DPP6: variants seen among roughly 807,000 people sequenced by gnomAD.
The protein encoded by DPP6 is dipeptidyl peptidase like 6, also known as A-type potassium channel modulatory protein DPP6.
A neutral mutation model predicts 122.6 loss-of-function variants in DPP6; 69 were observed. The ratio of observed to expected loss-of-function variants is 0.56; its 90% CI spans 0.46 to 0.69. The LOEUF is 0.69. Among genes scored for constraint, DPP6 ranks in the 30% least tolerant of loss-of-function variants. DPP6 has a pLI of 0.00. For synonymous variants in DPP6, 418 were observed against 433.1 expected (o/e 0.97, Z 0.43); for missense variants, 928 against 1,116.9 (o/e 0.83, Z 2.41).
the DPP6 span, among the ~76,000 whole-genome samples, chr7:153,827,096 AAG>A: frequency 1.3e-5 from 2 of 149,838 alleles, no homozygotes; most frequent in Admixed American, 6.6e-5. Context: ...ATAAATAAAA[AAG>A]TTAAGTCATT....
In DPP6 at chr7:154,880,909, C is replaced by T; in HGVS notation, c.2100C>T (p.Tyr700=). Residue 700 remains tyrosine (Y), a synonymous_variant, in exon 21 of 26, where the codon TAC becomes TAT. Coordinates refer to ENST00000377770, the MANE Select transcript of DPP6 (RefSeq NM_130797.4). The stretch of plus-strand genomic sequence containing the variant: ...ACAGGACGATGCTGAAGGAGCAGTA[C>T]ATTGACAGGACGCGCGTGGCCGTGT... The part of the protein sequence containing the change: ...EAVRTMLKEQ[Y]IDRTRVAVFG... 2.5e-6 allele frequency: 4 copies of T among 1,613,984 alleles called. No homozygotes were observed. The highest frequency in any genetic ancestry group is 2.2e-5 in the East Asian group (1 of 44,868).
chr7:154,151,377 ATC>A, intron 1 of DPP6, among the ~76,000 whole-genome samples: 1 of 152,102 alleles, frequency 6.6e-6, no homozygotes. Flanking sequence ...CTCAGCACTG[ATC>A]TGATTTTGTC....
intron 16 of DPP6, among the ~76,000 whole-genome samples, chr7:154,842,139 C>T (rs1044758162): frequency 1.3e-5 from 2 of 152,198 alleles, no homozygotes; most frequent in Admixed American, 6.5e-5. Flanking sequence ...CTGTTCGCAG[C>T]GGGCCATGCC....
intron 5 of DPP6, among the ~76,000 whole-genome samples, chr7:154,630,552 G>A (rs575467058): frequency 6.6e-6 from 1 of 152,330 alleles, no homozygotes; most frequent in African/African-American, 2.4e-5. Context: ...CTAATGCCCA[G>A]TGATGATGAG....
At chr7:154,014,297 TTATACTAGCATAAGGCCAA>T (rs1798294898) in intron 1 of DPP6, among the ~76,000 whole-genome samples, 1 of 142,960 alleles carries the variant, frequency 7.0e-6, no homozygotes, top group African/African-American at 2.7e-5. Flanking sequence ...ACTTTCAAAT[TTATACTAGCATAAGGCCAA>T]CCTTATCTGT....
intron 1 of DPP6, among the ~76,000 whole-genome samples, chr7:154,348,646 C>T (rs1187418024): frequency 6.6e-6 from 1 of 152,128 alleles, no homozygotes; most frequent in African/African-American, 2.4e-5. Context: ...CTGTTCATTT[C>T]ATTATCGTCA....
intron 1 of DPP6, among the ~76,000 whole-genome samples, chr7:154,060,698 G>A (rs1279881158): frequency 7.7e-6 from 1 of 130,398 alleles, no homozygotes. Flanking sequence ...GCCCCTGGCT[G>A]TTAGTACCCC....
At chr7:153,786,596 G>A in the DPP6 span, among the ~76,000 whole-genome samples, 3 of 151,650 alleles carry the variant, frequency 2.0e-5, no homozygotes, top group Non-Finnish European at 2.9e-5. Flanking sequence ...AAAATTAGCC[G>A]GGCGTGGTGG....
chr7:153,953,783 CACAA>C (rs1277366028), intron 1 of DPP6, among the ~76,000 whole-genome samples: 1 of 151,884 alleles, frequency 6.6e-6, no homozygotes, highest in Non-Finnish European at 1.5e-5. Context: ...CACACATACA[CACAA>C]AGAAACAGGA....
At chr7:153,884,987 A>AATATATATATATATATATATAT (rs56329841), upstream of DPP6, among the ~76,000 whole-genome samples, 3 of 116,458 alleles carry the variant, frequency 2.6e-5, no homozygotes, top group African/African-American at 3.5e-5. Flanking sequence ...TCAAAACAAA[A>AATATATATATATATATATATAT]ATATATATAT....
In DPP6 at chr7:154,764,026, C is replaced by A. The variant is rs75834604; in HGVS notation, c.884-5391C>A. ...CACCTCCATCTGCACCACACCTGAG[C>A]TCTGTGGGCGCTCTTCACCTCTATG... On this transcript the variant is annotated intron_variant, in intron 8 of 25. Coordinates refer to ENST00000377770, the MANE Select transcript of DPP6 (RefSeq NM_130797.4). 3.1e-3 allele frequency among the ~76,000 whole-genome samples: 477 copies of A among 152,158 alleles called. 2 individuals carry two copies. Among genetic ancestry groups the A allele is most frequent in the African/African-American group, 0.011 (441 of 41,490 alleles).
chr7:154,784,117 T>C (rs1365130386), intron 10 of DPP6, among the ~76,000 whole-genome samples: 1 of 152,102 alleles, frequency 6.6e-6, no homozygotes, highest in African/African-American at 2.4e-5. Flanking sequence ...GTGTGTTTCA[T>C]TGCCTGTGAG....
intron 2 of DPP6, among the ~76,000 whole-genome samples, chr7:154,470,565 AT>A (rs1453809829): frequency 1.3e-5 from 2 of 152,278 alleles, no homozygotes; most frequent in Admixed American, 1.3e-4. Context: ...GGAGTTCCAA[AT>A]GGTTCTCCAG....
At chr7:153,779,995 T>C in the DPP6 span, among the ~76,000 whole-genome samples, 1 of 151,526 alleles carries the variant, frequency 6.6e-6, no homozygotes, top group African/African-American at 2.4e-5. Context: ...CCAATGCCAG[T>C]TGGGGTAATG....
At chr7:154,341,204 A>G (rs1484565883) in intron 1 of DPP6, among the ~76,000 whole-genome samples, 3 of 152,094 alleles carry the variant, frequency 2.0e-5, no homozygotes, top group Non-Finnish European at 4.4e-5. Context: ...GGTTTTTAAG[A>G]ATGGGGCGAA....
intron 1 of DPP6, among the ~76,000 whole-genome samples, chr7:154,230,005 G>T (rs1036685347): frequency 2.0e-5 from 3 of 152,070 alleles, no homozygotes; most frequent in Admixed American, 2.0e-4. Flanking sequence ...CTTATAAAAA[G>T]ATTAGAGAAA....
intron 1 of DPP6, among the ~76,000 whole-genome samples, chr7:154,379,867 G>C (rs185445952): frequency 7.3e-4 from 111 of 152,246 alleles, no homozygotes; most frequent in Admixed American, 1.4e-3. Flanking sequence ...TGCGCTTCCT[G>C]ATATGAAGCC....
intron 7 of DPP6, among the ~76,000 whole-genome samples, chr7:154,690,474 T>C (rs915298802): frequency 3.9e-5 from 6 of 152,084 alleles, no homozygotes; most frequent in African/African-American, 1.4e-4. Flanking sequence ...CTGTCTTCCA[T>C]GATGAGCTGG....
At chr7:153,903,788 A>C (rs1015485382) in intron 1 of DPP6, among the ~76,000 whole-genome samples, 2 of 151,928 alleles carry the variant, frequency 1.3e-5, no homozygotes, top group African/African-American at 4.8e-5. Flanking sequence ...CAGTTGTTGG[A>C]TTTAGGTTCC....
Sources: gnomAD v4.1 joint callset for allele counts (sites outside exome capture counted in the v4.1 genomes callset) on GRCh38, gnomAD v4.1.1 for gene constraint, MANE v1.5 for transcripts, NCBI Gene and HGNC (gene_info 2026-07-23, HGNC 2026-07-21) for gene names.